Variants in RXRA observed in about 807,000 individuals in gnomAD.
The protein encoded by RXRA is retinoid X receptor alpha.
In RXRA, 5 loss-of-function variants were observed where a neutral mutation model predicts 44.5. That is an observed-to-expected ratio of 0.11 (90% CI 0.06 to 0.24). RXRA has a LOEUF of 0.24. RXRA is among the 10% of genes least tolerant of loss of function. The probability of loss-of-function intolerance (pLI) is 1.00; values close to 1 mark genes in which losing one functional copy is unlikely to be tolerated. For synonymous variants in RXRA, 291 were observed against 271.4 expected, an observed-to-expected ratio of 1.07 and a Z score of -0.71; for missense variants, 412 against 646.5, an observed-to-expected ratio of 0.64 and a Z score of 3.93.
chr9:134,422,121 G>A (rs1183527939), intron 6 of RXRA: 11 of 1,320,574 alleles, frequency 8.3e-6, no homozygotes, highest in East Asian at 4.7e-5. Flanking sequence ...TCTACCTCCC[G>A]GGACACTCCC....
intron 1 of RXRA, among the ~76,000 whole-genome samples, chr9:134,390,356 G>C (rs1349113744): frequency 4.6e-5 from 7 of 152,212 alleles, no homozygotes. Context: ...GGTCCACTCT[G>C]TCGCTGCCAG....
At position 134,345,226 on chromosome 9, in the gene RXRA, T is replaced by TC. The variant is rs201640421; in HGVS notation, c.28+18572dup. On this transcript the variant is annotated intron_variant, in intron 1 of 9. Coordinates refer to ENST00000481739, the MANE Select transcript of RXRA (RefSeq NM_002957.6). ...CCACCGGATTAGTGAGGATAACGTATCCCCCTCTAGCTGGTATTTGCACAG... is the reference window on the plus strand; with the variant it reads ...CCACCGGATTAGTGAGGATAACGTATCCCCCCTCTAGCTGGTATTTGCACAG... Among the ~76,000 whole-genome samples the TC allele has an allele frequency of 4.6e-3, 694 of 152,194 alleles. 5 individuals carry two copies. The highest frequency in any genetic ancestry group is 0.015 in the African/African-American group (641 of 41,528).
chr9:134,343,699 T>C lies in RXRA; in HGVS notation c.28+17040T>C, dbSNP rs1350739844. Among the ~76,000 whole-genome samples, 1 of 152,102 alleles carries C rather than the reference T, an allele frequency of 6.6e-6. No homozygotes were observed. Among genetic ancestry groups the C allele is most frequent in the African/African-American group, 2.4e-5 (1 of 41,414 alleles). On this transcript the variant is annotated intron_variant, in intron 1 of 9. Coordinates refer to ENST00000481739, the MANE Select transcript of RXRA (RefSeq NM_002957.6). This position sits in a 1 kb window ranked among gnomAD's most constrained non-coding sequence, Gnocchi z 4.1. ...GAGAGACCGTGTGCACTTGGTGGAC[T>C]GCCACGGGCCTGGGGGCCTCGGGAC...
At chr9:134,432,133 C>CCCTCCCAGTG in intron 8 of RXRA, 137 bp downstream of exon 8, 1 of 640,978 alleles carries the variant, frequency 1.6e-6, no homozygotes, top group Non-Finnish European at 2.8e-6. Context: ...CAGTGTGCCC[C>CCCTCCCAGTG]CCTCCCAGTG....
intron 1 of RXRA, chr9:134,373,869 C>A (rs1830519885): frequency 6.6e-6 from 1 of 152,262 alleles, no homozygotes; most frequent in Admixed American, 6.5e-5. Context: ...GAGACAGAGT[C>A]TTGCTTTGTT....
chr9:134,382,830 C>T (rs1830666033), intron 1 of RXRA, among the ~76,000 whole-genome samples: 4 of 152,174 alleles, frequency 2.6e-5, no homozygotes, highest in Admixed American at 2.6e-4. Flanking sequence ...GCTGGGGAGG[C>T]CCTGCCCACC....
intron 2 of RXRA, chr9:134,403,418 CT>C (rs1324684274): frequency 1.3e-5 from 2 of 152,300 alleles, no homozygotes; most frequent in Non-Finnish European, 2.9e-5. Flanking sequence ...AGCCCTGCCC[CT>C]GCTCTTGTTG....
Position 134,378,143 on chromosome 9 carries a change from G to A in RXRA, c.29-23489G>A, listed in dbSNP as rs114468459. 3.7e-3 allele frequency among the ~76,000 whole-genome samples: 566 copies of A among 152,354 alleles called. 7 individuals are homozygous for A. The highest frequency in any genetic ancestry group is 0.013 in the African/African-American group (550 of 41,576). The stretch of plus-strand genomic sequence containing the variant: ...GAAGCTGGCAGCCACCCAGGGTTCT[G>A]GGCAGGGCCGGGGCAGAGGGCACAG... On this transcript the variant is annotated intron_variant, in intron 1 of 9. Transcript: ENST00000481739.
intron 9 of RXRA, among the ~76,000 whole-genome samples, chr9:134,436,160 A>C (rs1299270813): frequency 6.6e-6 from 1 of 152,120 alleles, no homozygotes; most frequent in Non-Finnish European, 1.5e-5. Flanking sequence ...GCAATTTTTA[A>C]CTTCTTCACA....
intron 1 of RXRA, among the ~76,000 whole-genome samples, chr9:134,345,642 C>G (rs1003887825): frequency 2.0e-5 from 3 of 152,186 alleles, no homozygotes; most frequent in Non-Finnish European, 4.4e-5. Context: ...CTGCCTGCCT[C>G]CATTCTCCAT....
rs1830103343 is a variant in RXRA, at chr9:134,342,888, A to T, written c.28+16229A>T. Among the ~76,000 whole-genome samples the T allele has an allele frequency of 6.6e-6, 1 of 151,780 alleles. No homozygotes were observed. The highest frequency in any genetic ancestry group is 1.9e-4 in the East Asian group (1 of 5,150). ...CACAGTGACCTTCCCTTTGTATGTG[A>T]GTGATGTGGGTGGCATGACTGCGGA... On this transcript the variant is annotated intron_variant, in intron 1 of 9. Transcript: ENST00000481739. This position sits in a 1 kb window ranked among gnomAD's most constrained non-coding sequence, Gnocchi z 4.4.
chr9:134,423,375 C>T (rs1805178462), intron 6 of RXRA: 1 of 985,346 alleles, frequency 1.0e-6, no homozygotes, highest in Non-Finnish European at 1.2e-6. Context: ...GCCGCCTCAG[C>T]CCGACTGGGG....
At chr9:134,404,667 G>A (rs1337425023) in intron 2 of RXRA, 1 of 152,796 alleles carries the variant, frequency 6.5e-6, no homozygotes, top group African/African-American at 2.4e-5. Context: ...GCTTCACGGG[G>A]TCGGAAGCAG....
chr9:134,378,330 C>T (rs1385664673), intron 1 of RXRA, among the ~76,000 whole-genome samples: 6 of 126,964 alleles, frequency 4.7e-5, no homozygotes, highest in South Asian at 2.5e-4. Flanking sequence ...TTGCTGCCGC[C>T]ACCTGAAGGC....
chr9:134,419,226 G>A (rs750302671), intron 5 of RXRA, among the ~76,000 whole-genome samples: 7 of 152,220 alleles, frequency 4.6e-5, no homozygotes, highest in Non-Finnish European at 1.0e-4. Context: ...TGGCTGTGAG[G>A]GTTTCATGAT....
chr9:134,341,336 C>T (rs1830084256), intron 1 of RXRA, among the ~76,000 whole-genome samples: 1 of 152,152 alleles, frequency 6.6e-6, no homozygotes, highest in African/African-American at 2.4e-5. Context: ...GAGCCACTTC[C>T]AGCCTGGGGT....
chr9:134,388,833 C>T (rs1196632018), intron 1 of RXRA, among the ~76,000 whole-genome samples: 1 of 152,204 alleles, frequency 6.6e-6, no homozygotes, highest in Non-Finnish European at 1.5e-5. Context: ...TGCTGAGGGT[C>T]TCCAGGTGTC....
intron 1 of RXRA, among the ~76,000 whole-genome samples, chr9:134,336,057 C>G (rs1554747255): frequency 6.6e-6 from 1 of 152,220 alleles, no homozygotes; most frequent in African/African-American, 2.4e-5. Context: ...CCCACCCCTT[C>G]ATGGACTTTC....
At chr9:134,345,168 G>C (rs1384700224) in intron 1 of RXRA, among the ~76,000 whole-genome samples, 4 of 152,172 alleles carry the variant, frequency 2.6e-5, no homozygotes, top group Admixed American at 2.6e-4. Context: ...AATGAAAGTG[G>C]ACGTGCCCTG....
Sources: gnomAD v4.1 joint callset for allele counts (sites outside exome capture counted in the v4.1 genomes callset) on GRCh38, gnomAD v4.1.1 for gene constraint, Gnocchi (gnomAD v3.1) non-coding constraint, MANE v1.5 for transcripts, NCBI Gene and HGNC (gene_info 2026-07-23, HGNC 2026-07-21) for gene names.